Variants in CFAP251 observed in about 807,000 individuals in gnomAD.
CFAP251 encodes the protein cilia and flagella associated protein 251.
CFAP251 carries 93 observed loss-of-function variants against 126.7 expected under a neutral mutation model. The ratio of observed to expected loss-of-function variants is 0.73; its 90% CI spans 0.62 to 0.87. The LOEUF (loss-of-function observed/expected upper bound fraction) is 0.87. Ranked by LOEUF, CFAP251 falls within the 40% of genes least tolerant of loss-of-function variation. CFAP251 has a pLI of 0.00. For missense variants in CFAP251, 1,287 were observed against 1,389.2 expected (o/e 0.93, Z 1.17); for synonymous variants, 503 against 506.9 (o/e 0.99, Z 0.10).
intron 5 of CFAP251, among the ~76,000 whole-genome samples, chr12:121,938,089 T>C (rs1488507355): frequency 6.6e-6 from 1 of 151,508 alleles, no homozygotes; most frequent in East Asian, 1.9e-4. Context: ...ACTGCAGCCT[T>C]GGCCTCCGAG....
chr12:121,964,002 G>T (rs1480335829), intron 15 of CFAP251, among the ~76,000 whole-genome samples: 1 of 152,028 alleles, frequency 6.6e-6, no homozygotes, highest in Admixed American at 6.6e-5. Context: ...GATCCACCAC[G>T]ACCACCACCA....
At chr12:121,952,998 C>G (rs868590171) in intron 9 of CFAP251, 1 of 152,158 alleles carries the variant, frequency 6.6e-6, no homozygotes, top group Non-Finnish European at 1.5e-5. Context: ...ACCAATTGAT[C>G]AATACATAAG....
intron 19 of CFAP251, among the ~76,000 whole-genome samples, chr12:121,979,500 C>T (rs115097966): frequency 1.1e-3 from 166 of 149,934 alleles, no homozygotes; most frequent in African/African-American, 3.8e-3. Context: ...GCGGAGCCGC[C>T]GACATTTGAA....
chr12:121,984,899 T>C (rs1882708549), intron 19 of CFAP251, among the ~76,000 whole-genome samples: 1 of 152,198 alleles, frequency 6.6e-6, no homozygotes, highest in African/African-American at 2.4e-5. Flanking sequence ...CCTAGTTCTG[T>C]AAACTTAAGT....
At chr12:121,993,516 A>G (rs1283406747) in intron 19 of CFAP251, among the ~76,000 whole-genome samples, 1 of 141,356 alleles carries the variant, frequency 7.1e-6, no homozygotes, top group Non-Finnish European at 1.5e-5. Context: ...CCATCTAGGA[A>G]GTGAGGAGCG....
rs199623698 is a variant in CFAP251 at position 121,951,488 on chromosome 12, G to T, written c.1278G>T (p.Glu426Asp). The T allele has an allele frequency of 1.4e-4, 228 of 1,579,152 alleles. No homozygotes were observed. The African/African-American group carries it at 2.6e-3, about 18-fold the overall frequency. Reference sequence around the variant, plus strand: ...TTTTTTCCTCTTATCAGTATGAAGAGAGGGATACACTGGCTCACAGTGCCC... The same window carrying T: ...TTTTTTCCTCTTATCAGTATGAAGATAGGGATACACTGGCTCACAGTGCCC... ...TRAIYYAWYE[E>D]RDTLAHSAPL... The change falls in exon 9 of 22, where the codon GAG becomes GAT. Residue 426 changes from glutamate (E) to aspartate (D), a missense_variant. Glu to Asp is a conservative substitution (Grantham distance 45). Coordinates refer to ENST00000288912, the MANE Select transcript of CFAP251 (RefSeq NM_144668.6).
In CFAP251 at chr12:121,931,739, C is replaced by A. The variant is rs1396818698; in HGVS notation, c.748-7C>A. 1 of 1,555,826 alleles carries A rather than the reference C, an allele frequency of 6.4e-7. No individual in the cohort carries two copies. ...AATGTCTTGCTGGCTTTGCCCTTGT[C>A]TTCCAGACCATGACCTGGTCGTTTG... is the stretch of plus-strand genomic sequence containing the variant. On this transcript the variant is annotated splice_region_variant and splice_polypyrimidine_tract_variant and intron_variant, in intron 3 of 21. Coordinates refer to ENST00000288912, the MANE Select transcript of CFAP251 (RefSeq NM_144668.6).
At chr12:121,966,020 C>G (rs1882108231) in intron 15 of CFAP251, among the ~76,000 whole-genome samples, 1 of 151,730 alleles carries the variant, frequency 6.6e-6, no homozygotes, top group Admixed American at 6.6e-5. Flanking sequence ...ACTCCTAACC[C>G]CAAGCAATCC....
chr12:121,932,171 A>AT, intron 4 of CFAP251: 1 of 202,716 alleles, frequency 4.9e-6, no homozygotes, highest in East Asian at 1.2e-4. Flanking sequence ...AGCGTAGATC[A>AT]TATCTCCACA....
intron 19 of CFAP251, among the ~76,000 whole-genome samples, chr12:121,980,445 G>T (rs1408034525): frequency 6.4e-5 from 9 of 141,144 alleles, no homozygotes; most frequent in Admixed American, 4.4e-4. Context: ...GTCTCACTGT[G>T]TCACCTGGTC....
chr12:121,938,840 A>T lies in CFAP251; in HGVS notation c.999-3694A>T, dbSNP rs189121919. 7.8e-3 allele frequency among the ~76,000 whole-genome samples: 1,181 copies of T among 151,714 alleles called. 14 individuals carry two copies. Among genetic ancestry groups the T allele is most frequent in the African/African-American group, 0.027 (1,121 of 41,372 alleles). Reference sequence around the variant, plus strand: ...TCTACAAAAATACAAAATACAAAAAATTAGTCGGGCATAATGGTGCACTCC... The same window carrying T: ...TCTACAAAAATACAAAATACAAAAATTTAGTCGGGCATAATGGTGCACTCC... On this transcript the variant is annotated intron_variant, in intron 5 of 21. Coordinates refer to ENST00000288912, the MANE Select transcript of CFAP251 (RefSeq NM_144668.6).
intron 4 of CFAP251, chr12:121,933,223 T>C (rs1880760438): frequency 6.6e-6 from 1 of 152,148 alleles, no homozygotes; most frequent in African/African-American, 2.4e-5. Flanking sequence ...AGAGAAGACT[T>C]AACTTTAGAT....
intron 15 of CFAP251, 75 bp from the exon 16 acceptor site, chr12:121,966,880 G>T: frequency 7.0e-7 from 1 of 1,433,162 alleles, no homozygotes. Context: ...CACTGCGCCT[G>T]GCCCGACCAA....
chr12:121,995,716 G>GC (rs1410585506), intron 19 of CFAP251, among the ~76,000 whole-genome samples: 2 of 152,058 alleles, frequency 1.3e-5, no homozygotes, highest in African/African-American at 4.8e-5. Flanking sequence ...AAACTCCTGA[G>GC]CTCAAGCCAT....
At chr12:122,001,769 G>T in intron 21 of CFAP251, 171 bp downstream of exon 21, 1 of 637,180 alleles carries the variant, frequency 1.6e-6, no homozygotes, top group Non-Finnish European at 2.9e-6. Context: ...AACAGTGAGT[G>T]GTGGCTTTTG....
At chr12:121,939,811 C>T (rs1360617810) in intron 5 of CFAP251, among the ~76,000 whole-genome samples, 1 of 152,174 alleles carries the variant, frequency 6.6e-6, no homozygotes, top group Non-Finnish European at 1.5e-5. Context: ...AAAAATCTTA[C>T]TCTGTTTATA....
intron 19 of CFAP251, among the ~76,000 whole-genome samples, chr12:121,979,481 G>T (rs912192342): frequency 1.3e-5 from 2 of 152,010 alleles, no homozygotes; most frequent in South Asian, 2.1e-4. Flanking sequence ...TCTCCTGGGG[G>T]TGCTCACTGC....
At chr12:121,981,464 A>G (rs145732082) in intron 19 of CFAP251, among the ~76,000 whole-genome samples, 168 of 152,238 alleles carry the variant, frequency 1.1e-3, no homozygotes, top group African/African-American at 3.8e-3. Context: ...CTGCATATCC[A>G]TCAGTCAACT....
intron 3 of CFAP251, among the ~76,000 whole-genome samples, chr12:121,927,405 C>T (rs1227227685): frequency 1.3e-5 from 2 of 152,034 alleles, no homozygotes; most frequent in Non-Finnish European, 2.9e-5. Flanking sequence ...TCAAGTGATT[C>T]TCCTGCCTCA....
Sources: allele counts gnomAD v4.1 joint callset (sites outside exome capture counted in the v4.1 genomes callset), GRCh38; gene constraint gnomAD v4.1.1; transcripts MANE v1.5; gene names NCBI Gene and HGNC (gene_info 2026-07-23, HGNC 2026-07-21).